The following PARL variants were observed in gnomAD, a reference collection of about 807,000 sequenced individuals.
PARL encodes the protein presenilin associated rhomboid like.
A neutral mutation model predicts 51.6 loss-of-function variants in PARL; 44 were observed. That is an observed-to-expected ratio of 0.85 (90% confidence interval 0.67 to 1.10). PARL has a LOEUF of 1.10. Among genes scored for constraint, PARL ranks in the 50% least tolerant of loss-of-function variants. PARL has a pLI of 0.00. For synonymous variants in PARL, 172 were observed against 164.0 expected (o/e 1.05, Z -0.37); for missense variants, 441 against 469.5 (o/e 0.94, Z 0.56).
intron 4 of PARL, chr3:183,846,653 A>G: frequency 1.0e-6 from 1 of 985,252 alleles, no homozygotes; most frequent in Non-Finnish European, 1.2e-6. Flanking sequence ...CTTACTTCAT[A>G]AGCCAGTGGT....
intron 7 of PARL, among the ~76,000 whole-genome samples, chr3:183,838,037 T>TTC (rs1728845578): frequency 6.6e-6 from 1 of 151,732 alleles, no homozygotes; most frequent in South Asian, 2.1e-4. Flanking sequence ...TTTTTTTTTT[T>TTC]TTGAGATGGG....
intron 7 of PARL, among the ~76,000 whole-genome samples, chr3:183,839,317 G>C (rs1040415472): frequency 6.6e-6 from 1 of 152,136 alleles, no homozygotes; most frequent in East Asian, 1.9e-4. Context: ...ATTTAAATAA[G>C]TACAAACTGA....
At position 183,874,462 on chromosome 3, in the gene PARL, G is replaced by T. The variant is rs1194312155; in HGVS notation, c.126-6402C>A. Among the ~76,000 whole-genome samples the T allele has an allele frequency of 2.1e-5, 3 of 146,178 alleles. No individual in the cohort carries two copies. In the Admixed American group the frequency reaches 2.1e-4, roughly 10 times the overall value. On this transcript the variant is annotated intron_variant, in intron 1 of 9. Coordinates refer to ENST00000317096, the MANE Select transcript of PARL (RefSeq NM_018622.7). ...TTTGCTCTATCACCCAGGCTGCAGT[G>T]CAGTGGCGCGATCTCGACTCACTGC... is the stretch of plus-strand genomic sequence containing the variant.
At chr3:183,844,942 C>T (rs188313765) in intron 4 of PARL, among the ~76,000 whole-genome samples, 9 of 152,164 alleles carry the variant, frequency 5.9e-5, no homozygotes, top group East Asian at 1.9e-4. Flanking sequence ...GTTAGTACTA[C>T]GAAATTGAGG....
chr3:183,857,209 A>C (rs1465769757), intron 4 of PARL, among the ~76,000 whole-genome samples: 4 of 152,198 alleles, frequency 2.6e-5, no homozygotes, highest in African/African-American at 9.7e-5. Flanking sequence ...TGATCATGCC[A>C]CTGCACTCCA....
At chr3:183,867,240 A>G (rs1398506190) in intron 2 of PARL, among the ~76,000 whole-genome samples, 2 of 152,070 alleles carry the variant, frequency 1.3e-5, no homozygotes, top group African/African-American at 2.4e-5. Flanking sequence ...TTCCCATTGT[A>G]TTAACTTCAC....
At chr3:183,836,232 A>G (rs1728572366) in intron 7 of PARL, among the ~76,000 whole-genome samples, 1 of 151,306 alleles carries the variant, frequency 6.6e-6, no homozygotes, top group South Asian at 2.1e-4. Context: ...AAAAAAAAAA[A>G]AAAAAAAAAA....
At position 183,829,725 on chromosome 3, in the gene PARL, C is replaced by T. The variant is rs1216327478; in HGVS notation, c.1029-16G>A. 6.3e-7 allele frequency: 1 copy of T among 1,597,160 alleles called. No individual in the cohort carries two copies. ...AACATACCATCTGGAGAAAAACAAA[C>T]CAGGTCCGACATTCAAACAGTGTGA... On this transcript the variant is annotated splice_polypyrimidine_tract_variant and intron_variant, in intron 9 of 9. Coordinates refer to ENST00000317096, the MANE Select transcript of PARL (RefSeq NM_018622.7).
intron 4 of PARL, among the ~76,000 whole-genome samples, chr3:183,852,143 C>A (rs925759888): frequency 2.0e-5 from 3 of 151,958 alleles, no homozygotes; most frequent in Admixed American, 6.6e-5. Flanking sequence ...AGTGACAGAG[C>A]GAGACTCTGT....
At chr3:183,834,582 G>C (rs1321946500) in intron 7 of PARL, among the ~76,000 whole-genome samples, 1 of 152,166 alleles carries the variant, frequency 6.6e-6, no homozygotes, top group Non-Finnish European at 1.5e-5. Flanking sequence ...GGGTAGAGGA[G>C]GGGCAGGAAG....
chr3:183,844,183 T>C (rs1560386703), intron 5 of PARL, 48 bp downstream of exon 5: 1 of 1,248,880 alleles, frequency 8.0e-7, no homozygotes, highest in East Asian at 2.3e-5. Context: ...AGCATATTTC[T>C]TTCATATTAT....
intron 3 of PARL, among the ~76,000 whole-genome samples, chr3:183,866,160 C>T (rs769685119): frequency 4.6e-5 from 7 of 152,112 alleles, no homozygotes; most frequent in Non-Finnish European, 7.4e-5. Context: ...CCGCTGTGCC[C>T]GGCCAACGTT....
chr3:183,883,649 C>T, intron 1 of PARL: 2 of 985,304 alleles, frequency 2.0e-6, no homozygotes, highest in South Asian at 4.7e-5. Flanking sequence ...TCATTTTCCA[C>T]CTCCCCAGGA....
At chr3:183,872,269 T>C (rs146963564) in intron 1 of PARL, among the ~76,000 whole-genome samples, 7 of 152,334 alleles carry the variant, frequency 4.6e-5, no homozygotes, top group African/African-American at 1.7e-4. Flanking sequence ...CCCAAAGTGC[T>C]GGGATTACAG....
chr3:183,860,495 C>A (rs1483126953), intron 4 of PARL, among the ~76,000 whole-genome samples: 3 of 152,174 alleles, frequency 2.0e-5, no homozygotes, highest in Admixed American at 2.0e-4. Context: ...TTCAAAGCAG[C>A]TTACATTCAA....
intron 1 of PARL, among the ~76,000 whole-genome samples, chr3:183,877,553 A>G (rs2108711849): frequency 6.6e-6 from 1 of 152,276 alleles, no homozygotes; most frequent in South Asian, 2.1e-4. Flanking sequence ...GGAGGAGTCA[A>G]TCAACGTGGC....
chr3:183,842,531 C>T (rs1448207665), intron 5 of PARL, 84 bp from the exon 6 acceptor site: 10 of 1,313,542 alleles, frequency 7.6e-6, no homozygotes, highest in East Asian at 2.4e-5. Flanking sequence ...AAAATTAGGC[C>T]GGACGCAGTG....
intron 1 of PARL, among the ~76,000 whole-genome samples, chr3:183,876,420 G>A (rs1189737284): frequency 6.6e-6 from 1 of 152,000 alleles, no homozygotes; most frequent in Non-Finnish European, 1.5e-5. Flanking sequence ...AAATACTACT[G>A]TTCATCGACA....
At chr3:183,844,348 T>C in intron 4 of PARL, 22 bp from the exon 5 acceptor site, 1 of 1,405,266 alleles carries the variant, frequency 7.1e-7, no homozygotes, top group Non-Finnish European at 1.0e-6. Context: ...ATATTTATAA[T>C]TTAGGGAGGT....
Sources: gnomAD v4.1 joint callset for allele counts (sites outside exome capture counted in the v4.1 genomes callset) on GRCh38, gnomAD v4.1.1 for gene constraint, MANE v1.5 for transcripts, NCBI Gene and HGNC (gene_info 2026-07-23, HGNC 2026-07-21) for gene names.